The following FAM151B variants were observed in gnomAD, a reference collection of about 807,000 sequenced individuals.
The protein encoded by FAM151B is family with sequence similarity 151 member B, also known as protein FAM151B.
FAM151B carries 24 observed loss-of-function variants against 31.2 expected under a neutral mutation model. The observed-to-expected ratio is 0.77, with a 90% CI of 0.56 to 1.08. The LOEUF (loss-of-function observed/expected upper bound fraction) is 1.08. Ranked by LOEUF, FAM151B falls within the 50% of genes least tolerant of loss-of-function variation. The pLI is 0.00. For synonymous variants in FAM151B, 105 were observed against 111.4 expected, an observed-to-expected ratio of 0.94 and a Z score of 0.36; for missense variants, 293 against 328.6, an observed-to-expected ratio of 0.89 and a Z score of 0.84.
chr5:80,538,515 TC>T (rs1426219784), intron 5 of FAM151B, among the ~76,000 whole-genome samples: 2 of 35,968 alleles, frequency 5.6e-5, no homozygotes, highest in Non-Finnish European at 9.9e-5. Context: ...TTTCTTTCTT[TC>T]CTTCCTTCCT....
Position 80,538,450 on chromosome 5 carries a change from CTTTCTTTCTTTCTTTCTT to C in FAM151B, c.672-3221_672-3204del, listed in dbSNP as rs1274335531. Among the ~76,000 whole-genome samples the C allele has an allele frequency of 9.0e-3, 631 of 69,910 alleles. 11 individuals carry two copies. Among genetic ancestry groups the C allele is most frequent in the Non-Finnish European group, 0.011 (394 of 34,468 alleles). The allele number at this position is 69,910 out of a possible 152,430, so 45.9% of individuals were successfully genotyped here. ...TTTCTTTCTTTCTTTCTTTCTTTCT[CTTTCTTTCTTTCTTTCTT>C]TCTTTCTTTCTTTCTTTCCTTCCTT... is the stretch of plus-strand genomic sequence containing the variant. On this transcript the variant is annotated intron_variant, in intron 5 of 5. Coordinates refer to ENST00000282226, the MANE Select transcript of FAM151B (RefSeq NM_205548.3).
chr5:80,506,808 T>C (rs1291558863), intron 2 of FAM151B, among the ~76,000 whole-genome samples: 1 of 151,982 alleles, frequency 6.6e-6, no homozygotes, highest in African/African-American at 2.4e-5. Flanking sequence ...CTCATAGAGG[T>C]TGAGAGATTG....
intron 5 of FAM151B, among the ~76,000 whole-genome samples, chr5:80,538,503 CTTTT>C (rs1745692945): frequency 2.8e-5 from 3 of 106,484 alleles, no homozygotes; most frequent in African/African-American, 1.2e-4. Flanking sequence ...TCCTTCCTTT[CTTTT>C]CTTTCTTTCC....
At chr5:80,490,971 G>A (rs911655177) in intron 1 of FAM151B, among the ~76,000 whole-genome samples, 2 of 152,158 alleles carry the variant, frequency 1.3e-5, no homozygotes, top group African/African-American at 4.8e-5. Context: ...CTTAATGATT[G>A]TCTAGTCCAG....
chr5:80,496,028 A>G (rs1445851385), intron 1 of FAM151B, among the ~76,000 whole-genome samples: 1 of 152,208 alleles, frequency 6.6e-6, no homozygotes, highest in East Asian at 1.9e-4. Flanking sequence ...AACATTGTTG[A>G]AATGACCACA....
intron 2 of FAM151B, among the ~76,000 whole-genome samples, chr5:80,505,092 T>A (rs1561364235): frequency 6.6e-6 from 1 of 152,238 alleles, no homozygotes. Flanking sequence ...GGAAGCTGTT[T>A]GGATAGTACC....
At position 80,542,062 on chromosome 5, in the gene FAM151B, A is replaced by G. The variant is rs975991559; in HGVS notation, c.*230A>G. On this transcript the variant is annotated 3_prime_UTR_variant, in exon 6 of 6. Coordinates refer to ENST00000282226, the MANE Select transcript of FAM151B (RefSeq NM_205548.3). The stretch of plus-strand genomic sequence containing the variant: ...ACACACGTGGCCTAGTCTAATAATA[A>G]TTCAGGAAAATGATACTCTGCACCC... 5.1e-5 allele frequency: 23 copies of G among 448,648 alleles called. No individual in the cohort carries two copies. The highest frequency in any genetic ancestry group is 6.3e-5 in the Non-Finnish European group (16 of 254,780). The allele number at this position is 448,648 out of a possible 1,614,324, so 27.8% of individuals were successfully genotyped here.
chr5:80,532,149 C>T (rs1353323276), intron 5 of FAM151B, among the ~76,000 whole-genome samples: 2 of 142,302 alleles, frequency 1.4e-5, no homozygotes, highest in Non-Finnish European at 1.5e-5. Context: ...TGTTCTCACT[C>T]ATAGGTGGGA....
At chr5:80,505,749 A>ATTTTTTTTTT (rs386404255) in intron 2 of FAM151B, among the ~76,000 whole-genome samples, 1 of 77,884 alleles carries the variant, frequency 1.3e-5, no homozygotes, top group Non-Finnish European at 2.2e-5. Context: ...TCCTATAAGA[A>ATTTTTTTTTT]TTTTTTTTTT....
rs1489649171 is a variant in FAM151B, at chr5:80,541,981, A to T, written c.*149A>T. The stretch of plus-strand genomic sequence containing the variant: ...TTTATTGTATGCTTACTCTGTGGGC[A>T]TATGTCCTTATAATAGTGCACTTAC... On this transcript the variant is annotated 3_prime_UTR_variant, in exon 6 of 6. Transcript: ENST00000282226. The T allele has an allele frequency of 1.3e-5, 10 of 779,760 alleles. No homozygotes were observed. The highest frequency in any genetic ancestry group is 1.8e-5 in the Non-Finnish European group (9 of 497,526). 48.3% of individuals were successfully genotyped at this position (779,760 alleles called of 1,614,324 possible).
intron 2 of FAM151B, among the ~76,000 whole-genome samples, chr5:80,506,357 G>A (rs980663236): frequency 1.2e-4 from 18 of 152,164 alleles, no homozygotes; most frequent in African/African-American, 3.6e-4. Flanking sequence ...TTAGCCTTAC[G>A]ATGAAGACGA....
At chr5:80,532,598 T>C (rs1235062218) in intron 5 of FAM151B, among the ~76,000 whole-genome samples, 3 of 152,170 alleles carry the variant, frequency 2.0e-5, no homozygotes. Context: ...ATCTTCCAGA[T>C]AGAAAATCAG....
At chr5:80,494,518 T>TTC (rs1743457561) in intron 1 of FAM151B, among the ~76,000 whole-genome samples, 1 of 149,682 alleles carries the variant, frequency 6.7e-6, no homozygotes, top group African/African-American at 2.5e-5. Context: ...CTTTCTTTCT[T>TTC]TCTTTCTTTT....
At chr5:80,536,932 G>A (rs1303863183) in intron 5 of FAM151B, among the ~76,000 whole-genome samples, 1 of 152,128 alleles carries the variant, frequency 6.6e-6, no homozygotes, top group Non-Finnish European at 1.5e-5. Context: ...GGGGGGAGGT[G>A]TGAATGGCTA....
chr5:80,493,058 AT>A (rs1743382515), intron 1 of FAM151B, among the ~76,000 whole-genome samples: 1 of 152,370 alleles, frequency 6.6e-6, no homozygotes, highest in Admixed American at 6.5e-5. Context: ...TAAGTTGTCA[AT>A]ACAAAGGAAA....
intron 5 of FAM151B, among the ~76,000 whole-genome samples, chr5:80,532,505 G>A (rs1365575160): frequency 1.3e-5 from 2 of 152,116 alleles, no homozygotes; most frequent in Non-Finnish European, 2.9e-5. Context: ...GATATATAAA[G>A]CAAATATTAT....
chr5:80,538,372 T>TTTTA (rs1745619866), intron 5 of FAM151B, among the ~76,000 whole-genome samples: 1 of 111,556 alleles, frequency 9.0e-6, no homozygotes, highest in Non-Finnish European at 2.0e-5. Context: ...CAGCCTTTCT[T>TTTTA]TTTCTTTCTT....
In FAM151B at chr5:80,498,965, T is replaced by C. The variant is rs533163195; in HGVS notation, c.26-2827T>C. The C allele has an allele frequency of 4.2e-5, 9 of 216,372 alleles. No individual in the cohort carries two copies. In the South Asian group the frequency reaches 7.1e-4, roughly 17 times the overall value. The allele number at this position is 216,372 out of a possible 1,614,324, so 13.4% of individuals were successfully genotyped here. ...GGTAGTGGTCTTCCCCGGAAGGGTTTTTACGAAATCTGCATTTTGGTGGCA... is the reference window on the plus strand; with the variant it reads ...GGTAGTGGTCTTCCCCGGAAGGGTTCTTACGAAATCTGCATTTTGGTGGCA... On this transcript the variant is annotated intron_variant, in intron 1 of 5. Transcript: ENST00000282226.
At chr5:80,533,821 A>G (rs1005770214) in intron 5 of FAM151B, among the ~76,000 whole-genome samples, 8 of 152,010 alleles carry the variant, frequency 5.3e-5, no homozygotes, top group Non-Finnish European at 8.8e-5. Flanking sequence ...TCAATGAAAC[A>G]AAAAGTTGGC....
Sources: allele counts gnomAD v4.1 joint callset (sites outside exome capture counted in the v4.1 genomes callset), GRCh38; gene constraint gnomAD v4.1.1; transcripts MANE v1.5; gene names NCBI Gene and HGNC (gene_info 2026-07-23, HGNC 2026-07-21).